Variants in ZNF385D observed in about 807,000 individuals in gnomAD.
The protein encoded by ZNF385D is zinc finger protein 659.
A neutral mutation model predicts 35.8 loss-of-function variants in ZNF385D; 15 were observed. The observed-to-expected ratio is 0.42, with a 90% CI of 0.28 to 0.64. The LOEUF is 0.64. ZNF385D is among the 30% of genes least tolerant of loss of function. The pLI, the probability that ZNF385D is intolerant of heterozygous loss-of-function variation, is 0.23. For missense variants in ZNF385D, 474 were observed against 494.6 expected (o/e 0.96, Z 0.39); for synonymous variants, 212 against 186.8 (o/e 1.13, Z -1.10).
At chr3:21,935,313 T>C (rs780611362) in intron 3 of ZNF385D, among the ~76,000 whole-genome samples, 12 of 152,156 alleles carry the variant, frequency 7.9e-5, no homozygotes, top group South Asian at 2.1e-4. Context: ...TAACAAACAC[T>C]TCTGCAGCAC....
chr3:22,073,687 A>G (rs1700333475), intron 3 of ZNF385D, among the ~76,000 whole-genome samples: 1 of 151,852 alleles, frequency 6.6e-6, no homozygotes, highest in Non-Finnish European at 1.5e-5. Flanking sequence ...ATCTTACAAG[A>G]TTGTAGGGGG....
intron 2 of ZNF385D, among the ~76,000 whole-genome samples, chr3:21,660,095 A>ATC (rs138797674): frequency 0.09 from 13,525 of 150,210 alleles, 703 homozygotes; most frequent in South Asian, 0.17. Context: ...CTAGGACTTG[A>ATC]TCTCTCTCTC....
chr3:21,513,035 T>C (rs1338441899), intron 3 of ZNF385D, among the ~76,000 whole-genome samples: 1 of 152,142 alleles, frequency 6.6e-6, no homozygotes, highest in Non-Finnish European at 1.5e-5. Context: ...CTATCTCCAC[T>C]TATACCTCCA....
intron 3 of ZNF385D, among the ~76,000 whole-genome samples, chr3:21,826,103 G>T (rs1222414792): frequency 6.6e-6 from 1 of 152,130 alleles, no homozygotes; most frequent in African/African-American, 2.4e-5. Context: ...AAAACGTTGG[G>T]GACGGCTGCT....
chr3:22,058,415 T>C (rs1349016085), intron 3 of ZNF385D, among the ~76,000 whole-genome samples: 1 of 152,172 alleles, frequency 6.6e-6, no homozygotes, highest in African/African-American at 2.4e-5. Flanking sequence ...GACTGGAGAA[T>C]ATGGGTTTGC....
At chr3:21,894,689 G>A (rs985464276) in intron 3 of ZNF385D, among the ~76,000 whole-genome samples, 1 of 152,132 alleles carries the variant, frequency 6.6e-6, no homozygotes, top group Admixed American at 6.6e-5. Context: ...AGCAACCACA[G>A]ATCTGAAATG....
chr3:22,283,955 A>C (rs1446131519), intron 2 of ZNF385D, among the ~76,000 whole-genome samples: 1 of 152,148 alleles, frequency 6.6e-6, no homozygotes, highest in African/African-American at 2.4e-5. Context: ...TTAAGTTCCC[A>C]TAATGGGATC....
At chr3:21,758,685 G>A (rs1352972599) in intron 3 of ZNF385D, among the ~76,000 whole-genome samples, 1 of 151,992 alleles carries the variant, frequency 6.6e-6, no homozygotes, top group Non-Finnish European at 1.5e-5. Flanking sequence ...CTTGCAGTAA[G>A]AAGCGTTACA....
chr3:22,347,043 G>T (rs1425289869), intron 2 of ZNF385D, among the ~76,000 whole-genome samples: 1 of 152,064 alleles, frequency 6.6e-6, no homozygotes, highest in Non-Finnish European at 1.5e-5. Flanking sequence ...CAAACAAAGA[G>T]TAAAACTTCA....
intron 1 of ZNF385D, among the ~76,000 whole-genome samples, chr3:21,703,052 G>A (rs570122974): frequency 3.2e-4 from 48 of 152,156 alleles, no homozygotes; most frequent in African/African-American, 9.6e-4. Context: ...TATATTTTCA[G>A]CAACGTCTCA....
intron 1 of ZNF385D, among the ~76,000 whole-genome samples, chr3:21,725,342 C>A (rs188429779): frequency 4.6e-5 from 7 of 152,192 alleles, no homozygotes; most frequent in African/African-American, 1.7e-4. Flanking sequence ...CAGAGCGGAA[C>A]TGAAGGAGAT....
intron 3 of ZNF385D, among the ~76,000 whole-genome samples, chr3:22,158,754 G>C (rs1480148948): frequency 6.6e-6 from 1 of 151,904 alleles, no homozygotes; most frequent in Non-Finnish European, 1.5e-5. Flanking sequence ...TTAAGAGAAG[G>C]AGTGCCAGGC....
At chr3:21,578,282 C>T (rs1283956556) in intron 2 of ZNF385D, among the ~76,000 whole-genome samples, 7 of 152,148 alleles carry the variant, frequency 4.6e-5, no homozygotes, top group African/African-American at 1.7e-4. Flanking sequence ...CAGGCTGTCT[C>T]TTCCCTCTGT....
rs757458233 is a variant in ZNF385D at position 21,425,506 on chromosome 3, T to C, written c.838A>G (p.Thr280Ala). 1 of 1,600,186 alleles carries C rather than the reference T, an allele frequency of 6.2e-7. No homozygotes were observed. The highest frequency in any genetic ancestry group is 1.1e-5 in the South Asian group (1 of 88,772). Residue 280 changes from threonine to alanine, a missense_variant, in exon 6 of 8, where the codon ACG becomes GCG. Thr to Ala is a moderately conservative substitution (Grantham distance 58, BLOSUM62 0). Coordinates refer to ENST00000281523, the MANE Select transcript of ZNF385D (RefSeq NM_024697.3). ...GTGCTGTTTACCTGTTTAAGTTGCG[T>C]TTCCGAGTTGACGTGCACATCACAG... ...EICDVHVNSE[T>A]QLKQHISSRR...
At chr3:21,424,091 C>G in intron 6 of ZNF385D, 27 bp from the exon 7 acceptor site, 1 of 1,532,912 alleles carries the variant, frequency 6.5e-7, no homozygotes, top group Non-Finnish European at 8.7e-7. Context: ...AAAATGACAG[C>G]TTTAAAAAAA....
At chr3:21,666,597 C>T (rs1001773415) in intron 1 of ZNF385D, among the ~76,000 whole-genome samples, 2 of 152,178 alleles carry the variant, frequency 1.3e-5, no homozygotes, top group Non-Finnish European at 2.9e-5. Context: ...CCAGAGCACA[C>T]ACACTATAAA....
intron 2 of ZNF385D, among the ~76,000 whole-genome samples, chr3:22,333,105 C>A (rs1304428129): frequency 6.6e-6 from 1 of 152,048 alleles, no homozygotes; most frequent in Non-Finnish European, 1.5e-5. Flanking sequence ...CAGTCCTTTT[C>A]TTTACAACAT....
intron 3 of ZNF385D, among the ~76,000 whole-genome samples, chr3:21,963,297 G>A (rs1043976371): frequency 2.6e-5 from 4 of 152,202 alleles, no homozygotes; most frequent in South Asian, 2.1e-4. Flanking sequence ...GGGTGTGTTC[G>A]GAGGTAGGAT....
At chr3:21,818,135 A>G (rs933543994) in intron 3 of ZNF385D, among the ~76,000 whole-genome samples, 3 of 151,296 alleles carry the variant, frequency 2.0e-5, no homozygotes, top group African/African-American at 7.3e-5. Flanking sequence ...CAATGAGAAT[A>G]CTTGGACACA....
Sources: allele counts gnomAD v4.1 joint callset (sites outside exome capture counted in the v4.1 genomes callset), GRCh38; gene constraint gnomAD v4.1.1; transcripts MANE v1.5; gene names NCBI Gene and HGNC (gene_info 2026-07-23, HGNC 2026-07-21).